UBE3B: variants seen among roughly 807,000 people sequenced by gnomAD.
UBE3B encodes the protein ubiquitin protein ligase E3B.
In UBE3B, 80 loss-of-function variants were observed where a neutral mutation model predicts 132.3. The observed-to-expected ratio is 0.60, with a 90% CI of 0.50 to 0.73. UBE3B has a LOEUF of 0.73. Ranked by LOEUF, UBE3B falls within the 30% of genes least tolerant of loss-of-function variation. The pLI is 0.00. For missense variants in UBE3B, 1,196 were observed against 1,362.5 expected (o/e 0.88, Z 1.92); for synonymous variants, 487 against 520.4 (o/e 0.94, Z 0.87).
chr12:109,513,475 A>G (rs1480388479), intron 18 of UBE3B, among the ~76,000 whole-genome samples: 1 of 152,214 alleles, frequency 6.6e-6, no homozygotes, highest in Non-Finnish European at 1.5e-5. Flanking sequence ...ATTTCAAAGT[A>G]TGTGCATTTG....
intron 25 of UBE3B, 85 bp downstream of exon 25, chr12:109,530,157 T>A: frequency 6.6e-7 from 1 of 1,507,028 alleles, no homozygotes; most frequent in Non-Finnish European, 9.0e-7. Flanking sequence ...TTTAGAGAGT[T>A]GTTTTAGGAG....
chr12:109,529,842 G>A (rs767721820), intron 24 of UBE3B, 48 bp from the exon 25 acceptor site: 1 of 1,607,648 alleles, frequency 6.2e-7, no homozygotes, highest in South Asian at 1.1e-5. Flanking sequence ...GTGACAGCCT[G>A]CCCCGTCCTG....
chr12:109,491,347 T>C (rs1465938261), intron 9 of UBE3B: 5 of 403,048 alleles, frequency 1.2e-5, no homozygotes, highest in African/African-American at 1.0e-4. Flanking sequence ...CTGAATATTA[T>C]TGCAGTGTGA....
intron 14 of UBE3B, among the ~76,000 whole-genome samples, chr12:109,503,410 T>TA (rs1879246874): frequency 6.6e-6 from 1 of 152,162 alleles, no homozygotes; most frequent in African/African-American, 2.4e-5. Flanking sequence ...TTGTGACTCT[T>TA]ACTTTAATTA....
intron 21 of UBE3B, 49 bp from the exon 22 acceptor site, chr12:109,523,929 T>C (rs1390954700): frequency 6.2e-7 from 1 of 1,609,430 alleles, no homozygotes; most frequent in Non-Finnish European, 8.5e-7. Flanking sequence ...ATCCAAACAC[T>C]GCATCAGAAT....
intron 24 of UBE3B, among the ~76,000 whole-genome samples, chr12:109,527,987 C>T (rs982918275): frequency 1.3e-5 from 2 of 152,252 alleles, no homozygotes; most frequent in Admixed American, 1.3e-4. Flanking sequence ...CACTCACTCT[C>T]CCCACATAGG....
rs1473785346 is a variant in UBE3B at position 109,498,295 on chromosome 12, A to G, written c.882A>G (p.Gln294=). 4 of 1,614,118 alleles carry G rather than the reference A, an allele frequency of 2.5e-6. No individual in the cohort carries two copies. The South Asian group carries it at 4.4e-5, about 18-fold the overall frequency. Residue 294 remains glutamine, a synonymous_variant, in exon 11 of 28, where the codon CAA becomes CAG. Transcript: ENST00000342494. ...AATTCATCATATTTTTAAGAGACCA[A>G]GATCGATGCCGTGATGTATGTGAAA... ...LRKFIIFLRD[Q]DRCRDVCESL...
intron 19 of UBE3B, chr12:109,520,045 C>G (rs1881512178): frequency 6.6e-6 from 1 of 152,238 alleles, no homozygotes; most frequent in Non-Finnish European, 1.5e-5. Flanking sequence ...GTGGAGACAG[C>G]CTGTCTAACC....
At chr12:109,487,172 G>T (rs1876643988) in intron 6 of UBE3B, among the ~76,000 whole-genome samples, 2 of 152,170 alleles carry the variant, frequency 1.3e-5, no homozygotes, top group African/African-American at 4.8e-5. Context: ...CAGGTTTCTT[G>T]TAGGTCCAGT....
At chr12:109,517,611 A>G (rs1308178939) in intron 19 of UBE3B, among the ~76,000 whole-genome samples, 1 of 152,220 alleles carries the variant, frequency 6.6e-6, no homozygotes, top group East Asian at 1.9e-4. Context: ...TATAGTGCAC[A>G]GCCTACCCAT....
intron 21 of UBE3B, among the ~76,000 whole-genome samples, chr12:109,523,670 G>A (rs564922910): frequency 6.8e-6 from 1 of 147,978 alleles, no homozygotes; most frequent in South Asian, 2.1e-4. Context: ...TAACTGAGAG[G>A]CTGGTGCTGC....
chr12:109,546,177 G>A, the UBE3B span, among the ~76,000 whole-genome samples: 2 of 152,146 alleles, frequency 1.3e-5, no homozygotes, highest in African/African-American at 4.8e-5. Context: ...CAGTGATGGT[G>A]AATGCGCCAG....
rs758725785 is a variant in UBE3B, at chr12:109,533,532, C to T, written c.2989C>T (p.Arg997Cys). ...FAYLKPPFSI[R>C]CVEVSDDQDT... ...CTACCTCAAGCCTCCATTCTCCATC[C>T]GCTGCGTGGAGGTGTCGGACGATCA... The change falls in exon 27 of 28, where the codon CGC becomes TGC. Residue 997 changes from arginine to cysteine, a missense_variant. Transcript: ENST00000342494. 4 of 1,613,812 alleles carry T rather than the reference C, an allele frequency of 2.5e-6. No homozygotes were observed. The highest frequency in any genetic ancestry group is 3.3e-5 in the Admixed American group (2 of 59,996).
chr12:109,483,898 G>A lies in UBE3B; in HGVS notation c.199G>A (p.Glu67Lys), dbSNP rs1875918945. Reference sequence around the variant, plus strand: ...TGACTTTTTTAAAGCAGATGACCCTGAGTCCACTAAAAGAAGTGCACTTTG... The same window carrying A: ...TGACTTTTTTAAAGCAGATGACCCTAAGTCCACTAAAAGAAGTGCACTTTG... ...IDDFFKADDP[E>K]STKRSALCIF... is the part of the protein sequence containing the mutation. Residue 67 changes from glutamate to lysine, a missense_variant, in exon 4 of 28, where the codon GAG becomes AAG. By Grantham distance (56) the Glu-to-Lys change is moderately conservative. Coordinates refer to ENST00000342494, the MANE Select transcript of UBE3B (RefSeq NM_130466.4). The A allele has an allele frequency of 1.2e-6, 2 of 1,614,018 alleles. No homozygotes were observed. Among genetic ancestry groups the A allele is most frequent in the Non-Finnish European group, 1.7e-6 (2 of 1,179,928 alleles).
rs1242942962 is a variant in UBE3B, at chr12:109,536,291, C to T, written c.*1509C>T. 2.6e-5 allele frequency: 4 copies of T among 152,392 alleles called. No individual in the cohort carries two copies. Among genetic ancestry groups the T allele is most frequent in the Admixed American group, 2.6e-4 (4 of 15,310 alleles). The allele number at this position is 152,392 out of a possible 1,614,324, so 9.4% of individuals were successfully genotyped here. ...CTGTGGACTTGCCACTTTCTCCAAA[C>T]GCTCGGTTCCTTTGAAGATTTCTTC... On this transcript the variant is annotated 3_prime_UTR_variant, in exon 28 of 28. Transcript: ENST00000342494.
intron 18 of UBE3B, 41 bp downstream of exon 18, chr12:109,511,344 T>G: frequency 1.3e-6 from 2 of 1,581,076 alleles, no homozygotes; most frequent in Non-Finnish European, 1.7e-6. Context: ...TGTCTTTCTA[T>G]TCCCCCACGT....
intron 11 of UBE3B, among the ~76,000 whole-genome samples, chr12:109,499,056 C>T (rs902310389): frequency 1.3e-5 from 2 of 151,902 alleles, no homozygotes; most frequent in Non-Finnish European, 2.9e-5. Flanking sequence ...TCCTTGGGCT[C>T]GAACAATCCA....
At chr12:109,526,525 A>G (rs1256329221) in intron 24 of UBE3B, 109 bp downstream of exon 24, 1 of 1,135,216 alleles carries the variant, frequency 8.8e-7, no homozygotes, top group African/African-American at 1.5e-5. Context: ...GAAAGAGGCC[A>G]TAAATATCAT....
intron 1 of UBE3B, among the ~76,000 whole-genome samples, chr12:109,478,737 C>T (rs1874790698): frequency 6.6e-6 from 1 of 152,208 alleles, no homozygotes; most frequent in Admixed American, 6.5e-5. Flanking sequence ...GCAGAGTTCG[C>T]GCCGCTGCAC....
Sources: allele counts gnomAD v4.1 joint callset (sites outside exome capture counted in the v4.1 genomes callset), GRCh38; gene constraint gnomAD v4.1.1; transcripts MANE v1.5; gene names NCBI Gene and HGNC (gene_info 2026-07-23, HGNC 2026-07-21).